Variants in SRC observed in about 807,000 individuals in gnomAD.
SRC encodes the protein SRC proto-oncogene, non-receptor tyrosine kinase, also known as proto-oncogene tyrosine-protein kinase Src.
SRC carries 13 observed loss-of-function variants against 62.9 expected under a neutral mutation model. The ratio of observed to expected loss-of-function variants is 0.21; its 90% CI spans 0.13 to 0.33. The LOEUF (loss-of-function observed/expected upper bound fraction) is 0.33. Among genes scored for constraint, SRC ranks in the 10% least tolerant of loss-of-function variants. The pLI is 1.00. For missense variants in SRC, 457 were observed against 737.3 expected (o/e 0.62, Z 4.40); for synonymous variants, 302 against 317.5 (o/e 0.95, Z 0.52).
intron 2 of SRC, among the ~76,000 whole-genome samples, chr20:37,373,940 G>A (rs1262090591): frequency 6.6e-6 from 1 of 151,788 alleles, no homozygotes; most frequent in African/African-American, 2.4e-5. Context: ...TCCCTCATTA[G>A]TCTTCTTTTT....
chr20:37,373,848 CT>C (rs2146999621), intron 2 of SRC, among the ~76,000 whole-genome samples: 1 of 152,226 alleles, frequency 6.6e-6, no homozygotes, highest in South Asian at 2.1e-4. Flanking sequence ...TTCTGTTCCC[CT>C]GATGTACTGA....
chr20:37,379,552 C>T (rs1006686813), intron 2 of SRC, among the ~76,000 whole-genome samples: 5 of 151,700 alleles, frequency 3.3e-5, no homozygotes, highest in South Asian at 4.2e-4. Context: ...GGTGGAACCC[C>T]GTGTCTACTA....
intron 2 of SRC, among the ~76,000 whole-genome samples, chr20:37,378,538 G>A (rs909227173): frequency 6.6e-6 from 1 of 152,188 alleles, no homozygotes; most frequent in African/African-American, 2.4e-5. Context: ...CTACCCTGCC[G>A]CTGCCTTCTT....
chr20:37,375,603 G>A (rs893099712), intron 2 of SRC, among the ~76,000 whole-genome samples: 1 of 151,784 alleles, frequency 6.6e-6, no homozygotes, highest in Non-Finnish European at 1.5e-5. Context: ...TGAAACTCAC[G>A]GGCTCCAGCA....
chr20:37,391,544 G>C (rs1421019851), intron 5 of SRC, among the ~76,000 whole-genome samples: 2 of 152,136 alleles, frequency 1.3e-5, no homozygotes, highest in African/African-American at 4.8e-5. Context: ...CTGTCCCTCA[G>C]TTTCCCCAAC....
chr20:37,386,499 G>C (rs573655353), intron 5 of SRC: 4 of 713,392 alleles, frequency 5.6e-6, no homozygotes, highest in South Asian at 1.5e-5. Flanking sequence ...CTCCGTGGGC[G>C]GCGGGCTGGG....
chr20:37,354,294 C>T (rs1180531092), intron 1 of SRC, among the ~76,000 whole-genome samples: 2 of 152,094 alleles, frequency 1.3e-5, no homozygotes, highest in Non-Finnish European at 2.9e-5. Flanking sequence ...ACCTGCTTGC[C>T]CTGGGACTAT....
rs1352624429 is a variant in SRC at position 37,368,518 on chromosome 20, C to CTTTTTTTTTTTTTTTTTTT, written c.-173+3248_-173+3266dup. 1.5e-3 allele frequency among the ~76,000 whole-genome samples: 113 copies of CTTTTTTTTTTTTTTTTTTT among 73,918 alleles called. 12 individuals are homozygous for CTTTTTTTTTTTTTTTTTTT. Among genetic ancestry groups the CTTTTTTTTTTTTTTTTTTT allele is most frequent in the Middle Eastern group, 0.015 (1 of 68 alleles). The allele number at this position is 73,918 out of a possible 152,430, so 48.5% of individuals were successfully genotyped here. On this transcript the variant is annotated intron_variant, in intron 2 of 13. Transcript: ENST00000373578. ...GTCATAACATTTATGCCTATATTTT[C>CTTTTTTTTTTTTTTTTTTT]TTTTTTTTTTTTTTTTTTTTTTTTT...
chr20:37,374,216 A>C (rs1438185196), intron 2 of SRC, among the ~76,000 whole-genome samples: 1 of 151,684 alleles, frequency 6.6e-6, no homozygotes, highest in Non-Finnish European at 1.5e-5. Context: ...AGTAGCTAGG[A>C]CTACAGGTGC....
chr20:37,386,235 G>A (rs2070453367), intron 5 of SRC, 61 bp downstream of exon 5: 3 of 1,493,126 alleles, frequency 2.0e-6, no homozygotes, highest in South Asian at 2.3e-5. Context: ...AAGCGGGCAG[G>A]GGCTCATGCA....
chr20:37,374,543 TACCTATACCA>T (rs1055099109), intron 2 of SRC, among the ~76,000 whole-genome samples: 5 of 151,192 alleles, frequency 3.3e-5, no homozygotes, highest in Non-Finnish European at 7.4e-5. Flanking sequence ...CCCAGACTTA[TACCTATACCA>T]AATACTATAA....
chr20:37,371,914 G>T (rs895037233), intron 2 of SRC, among the ~76,000 whole-genome samples: 6 of 152,032 alleles, frequency 3.9e-5, no homozygotes, highest in African/African-American at 1.5e-4. Context: ...TGTTGGCCAG[G>T]CTGGTCTTGA....
intron 1 of SRC, among the ~76,000 whole-genome samples, chr20:37,355,805 A>G (rs1404567754): frequency 6.6e-6 from 1 of 152,166 alleles, no homozygotes; most frequent in Non-Finnish European, 1.5e-5. Flanking sequence ...GTGTGCAAAA[A>G]TGTCTGGGGG....
intron 1 of SRC, among the ~76,000 whole-genome samples, chr20:37,355,005 TG>T (rs2069860479): frequency 6.6e-6 from 1 of 152,140 alleles, no homozygotes; most frequent in African/African-American, 2.4e-5. Context: ...AGCAGCATCC[TG>T]GGTAGAGGAT....
intron 2 of SRC, among the ~76,000 whole-genome samples, chr20:37,377,640 C>T (rs182834042): frequency 2.6e-5 from 4 of 152,320 alleles, no homozygotes; most frequent in African/African-American, 9.6e-5. Context: ...CCACCAGCTG[C>T]AGGGCCATGT....
Position 37,397,892 on chromosome 20 carries a change from C to A in SRC, c.859+38C>A. ...CCCTGCCCTCGGGAGAGGCATCCAC[C>A]CCCCACCCCGTGTGGCAGCTCCGGG... On this transcript the variant is annotated intron_variant, in intron 9 of 13. Coordinates refer to ENST00000373578, the MANE Select transcript of SRC (RefSeq NM_198291.3). The surrounding 1 kb of genome is among the most constrained non-coding windows in gnomAD (Gnocchi z 4.1). 6.3e-7 allele frequency: 1 copy of A among 1,580,644 alleles called. No individual in the cohort carries two copies. The highest frequency in any genetic ancestry group is 8.6e-7 in the Non-Finnish European group (1 of 1,166,000).
chr20:37,387,187 T>C (rs1276694995), intron 5 of SRC, among the ~76,000 whole-genome samples: 1 of 152,212 alleles, frequency 6.6e-6, no homozygotes, highest in East Asian at 1.9e-4. Flanking sequence ...TCTGGCTTGC[T>C]CATGCCCCAC....
intron 2 of SRC, among the ~76,000 whole-genome samples, chr20:37,382,223 G>GGTGCAGC (rs775446195): frequency 3.5e-3 from 313 of 88,354 alleles, no homozygotes; most frequent in Non-Finnish European, 5.4e-3. Context: ...TAACGGCTGA[G>GGTGCAGC]GTGACCTGTG....
chr20:37,370,963 TTTCTTCTTCTTC>T (rs536060536), intron 2 of SRC, among the ~76,000 whole-genome samples: 45 of 147,412 alleles, frequency 3.1e-4, no homozygotes, highest in African/African-American at 8.0e-4. Context: ...GAATTTTCTA[TTTCTTCTTCTTC>T]TTCTTCTTCT....
Sources: allele counts gnomAD v4.1 joint callset (sites outside exome capture counted in the v4.1 genomes callset), GRCh38; gene constraint gnomAD v4.1.1; non-coding constraint Gnocchi (gnomAD v3.1); transcripts MANE v1.5; gene names NCBI Gene and HGNC (gene_info 2026-07-23, HGNC 2026-07-21).